Variants in NELL2 observed in about 807,000 individuals in gnomAD.
NELL2 encodes the protein protein kinase C-binding protein NELL2.
NELL2 carries 41 observed loss-of-function variants against 109.6 expected under a neutral mutation model. The ratio of observed to expected loss-of-function variants is 0.37; its 90% CI spans 0.29 to 0.49. The LOEUF is 0.49. Ranked by LOEUF, NELL2 falls within the 20% of genes least tolerant of loss-of-function variation. The pLI is 0.98. For missense variants in NELL2, 900 were observed against 1,008.3 expected (o/e 0.89, Z 1.45); for synonymous variants, 355 against 344.7 (o/e 1.03, Z -0.33).
intron 3 of NELL2, among the ~76,000 whole-genome samples, chr12:44,811,220 G>C (rs1179050399): frequency 6.6e-6 from 1 of 151,004 alleles, no homozygotes; most frequent in East Asian, 2.0e-4. Context: ...CAAATACCTA[G>C]TGCTTGCAGG....
At chr12:44,894,255 G>T (rs952855266) in intron 1 of NELL2, among the ~76,000 whole-genome samples, 1 of 152,102 alleles carries the variant, frequency 6.6e-6, no homozygotes, top group African/African-American at 2.4e-5. Flanking sequence ...TTTCCTGCTT[G>T]TTAACTTATC....
At chr12:44,699,619 T>C (rs981844030) in intron 12 of NELL2, among the ~76,000 whole-genome samples, 6 of 152,136 alleles carry the variant, frequency 3.9e-5, no homozygotes, top group Non-Finnish European at 8.8e-5. Flanking sequence ...GGTTCATTTT[T>C]TTCCCTTAGA....
intron 13 of NELL2, among the ~76,000 whole-genome samples, chr12:44,648,965 C>T (rs1379831750): frequency 7.8e-6 from 1 of 128,728 alleles, no homozygotes; most frequent in Non-Finnish European, 1.6e-5. Flanking sequence ...AGGGTTTCAC[C>T]ATGTTGGCCA....
At chr12:44,756,754 T>C (rs1255509694) in intron 9 of NELL2, among the ~76,000 whole-genome samples, 2 of 152,194 alleles carry the variant, frequency 1.3e-5, no homozygotes, top group African/African-American at 4.8e-5. Context: ...CTTTCTCATG[T>C]TATTTTACAG....
chr12:44,885,990 G>T lies in NELL2; in HGVS notation c.39-10090C>A, dbSNP rs112628933. Among the ~76,000 whole-genome samples, 1,244 of 151,516 alleles carry T rather than the reference G, an allele frequency of 8.2e-3. 30 individuals carry two copies. The highest frequency in any genetic ancestry group is 0.028 in the African/African-American group (1,165 of 41,160). On this transcript the variant is annotated intron_variant, in intron 1 of 20. Coordinates refer to the NELL2 transcript ENST00000333837. Reference sequence around the variant, plus strand: ...GGAATAGACATATATATATATAATGGTTAATTGATTTTTTACAAAGATATC... The same window carrying T: ...GGAATAGACATATATATATATAATGTTTAATTGATTTTTTACAAAGATATC...
Position 44,583,570 on chromosome 12 carries a change from G to A in NELL2, c.1663+23599C>T, listed in dbSNP as rs933016789. ...AGACATTTACCATATGTCATGAACT[G>A]TGTGAATTATTAATAAAAAACAAAG... On this transcript the variant is annotated intron_variant, in intron 15 of 19. Transcript: ENST00000429094. 5.3e-5 allele frequency among the ~76,000 whole-genome samples: 8 copies of A among 152,062 alleles called. 1 individual carries two copies. Among genetic ancestry groups the A allele is most frequent in the African/African-American group, 1.9e-4 (8 of 41,378 alleles).
intron 15 of NELL2, among the ~76,000 whole-genome samples, chr12:44,594,591 A>C (rs1282951537): frequency 2.0e-5 from 3 of 152,244 alleles, no homozygotes; most frequent in Non-Finnish European, 4.4e-5. Context: ...GTGAAGTCTA[A>C]ATTAAATGAC....
chr12:44,681,076 ACTTTT>A (rs912681142), intron 12 of NELL2, among the ~76,000 whole-genome samples: 28 of 151,172 alleles, frequency 1.9e-4, no homozygotes, highest in African/African-American at 5.6e-4. Flanking sequence ...ATTGTCGTAA[ACTTTT>A]CTTTTAGATG....
intron 13 of NELL2, among the ~76,000 whole-genome samples, chr12:44,653,093 C>G (rs958898739): frequency 1.3e-5 from 2 of 152,120 alleles, no homozygotes; most frequent in African/African-American, 4.8e-5. Flanking sequence ...GCATATTATT[C>G]ACAGATCTGG....
At position 44,561,171 on chromosome 12, in the gene NELL2, A is replaced by G. The variant is rs112429953; in HGVS notation, c.1664-28450T>C. On this transcript the variant is annotated intron_variant, in intron 15 of 19. Transcript: ENST00000429094. ...CACTCAATAAACTAGGAATTGATGG[A>G]ATGTATCTCAAAATAATAAGAGCTA... Among the ~76,000 whole-genome samples the G allele has an allele frequency of 4.6e-3, 698 of 152,326 alleles. 2 individuals carry two copies. The highest frequency in any genetic ancestry group is 8.2e-3 in the Non-Finnish European group (555 of 68,026).
chr12:44,664,187 A>G (rs891654930), intron 13 of NELL2, among the ~76,000 whole-genome samples: 7 of 152,102 alleles, frequency 4.6e-5, no homozygotes, highest in Non-Finnish European at 1.0e-4. Context: ...CTGTAGTCCT[A>G]CGTCAAGAAA....
At chr12:44,682,412 C>G in intron 12 of NELL2, among the ~76,000 whole-genome samples, 1 of 151,894 alleles carries the variant, frequency 6.6e-6, no homozygotes. Context: ...TGCAGAAGCT[C>G]TTTAGTTGAA....
intron 15 of NELL2, among the ~76,000 whole-genome samples, chr12:44,576,741 T>G (rs1012315983): frequency 3.7e-4 from 56 of 152,234 alleles, no homozygotes; most frequent in African/African-American, 1.3e-3. Context: ...TTCCCCTTCC[T>G]GTGTCCATGT....
chr12:44,668,305 G>A (rs932113289), intron 12 of NELL2, among the ~76,000 whole-genome samples: 19 of 152,212 alleles, frequency 1.2e-4, no homozygotes, highest in Admixed American at 1.2e-3. Context: ...CAGGGTCACT[G>A]CCAATGACAA....
intron 9 of NELL2, among the ~76,000 whole-genome samples, chr12:44,747,444 TATAATAATA>T (rs200256759): frequency 6.6e-6 from 1 of 151,154 alleles, no homozygotes; most frequent in African/African-American, 2.4e-5. Context: ...AAACTTCAAG[TATAATAATA>T]ATAATAATAA....
At chr12:44,637,479 G>A (rs973623962) in intron 13 of NELL2, among the ~76,000 whole-genome samples, 1 of 141,624 alleles carries the variant, frequency 7.1e-6, no homozygotes, top group East Asian at 2.1e-4. Context: ...CACAGTAGGT[G>A]TTATGAAAGA....
At chr12:44,878,963 T>C (rs1249499416), upstream of NELL2, among the ~76,000 whole-genome samples, 1 of 152,216 alleles carries the variant, frequency 6.6e-6, no homozygotes, top group Non-Finnish European at 1.5e-5. Context: ...GGAATTAAGA[T>C]TGTTAATCAG....
chr12:44,839,190 A>G (rs1944146870), intron 2 of NELL2, among the ~76,000 whole-genome samples: 1 of 152,162 alleles, frequency 6.6e-6, no homozygotes, highest in South Asian at 2.1e-4. Flanking sequence ...CCATTGTACT[A>G]ATTATGCTTC....
chr12:44,547,622 A>C (rs1942852168), intron 15 of NELL2, among the ~76,000 whole-genome samples: 1 of 152,206 alleles, frequency 6.6e-6, no homozygotes, highest in Non-Finnish European at 1.5e-5. Context: ...ATTTACCAAA[A>C]AATATATCAG....
Sources: allele counts gnomAD v4.1 joint callset (sites outside exome capture counted in the v4.1 genomes callset), GRCh38; gene constraint gnomAD v4.1.1; transcripts MANE v1.5; gene names NCBI Gene and HGNC (gene_info 2026-07-23, HGNC 2026-07-21).